Variants in DNAH7 observed in about 807,000 individuals in gnomAD.
DNAH7 encodes axonemal beta dynein heavy chain 7.
In DNAH7, 397 loss-of-function variants were observed where a neutral mutation model predicts 444.6. The observed-to-expected ratio is 0.89, with a 90% CI of 0.82 to 0.97. The LOEUF (loss-of-function observed/expected upper bound fraction) is 0.97, where lower values mean the gene tolerates loss of function less well. Ranked by LOEUF, DNAH7 falls within the 50% of genes least tolerant of loss-of-function variation. DNAH7 has a pLI of 0.00. For missense variants in DNAH7, 4,902 were observed against 4,800.8 expected (o/e 1.02, Z -0.62); for synonymous variants, 1,636 against 1,624.4 (o/e 1.01, Z -0.17).
intron 43 of DNAH7, among the ~76,000 whole-genome samples, chr2:195,858,112 A>G (rs1179761919): frequency 6.6e-6 from 1 of 152,192 alleles, no homozygotes; most frequent in African/African-American, 2.4e-5. Context: ...TATAAGATGT[A>G]TTCCAATGAC....
At chr2:195,952,205 G>T (rs183526582) in intron 19 of DNAH7, among the ~76,000 whole-genome samples, 4 of 152,280 alleles carry the variant, frequency 2.6e-5, no homozygotes, top group African/African-American at 9.6e-5. Context: ...AGTTTGGCTG[G>T]ATATAAAATT....
chr2:195,772,451 G>A (rs1694883860), intron 60 of DNAH7, among the ~76,000 whole-genome samples: 2 of 152,104 alleles, frequency 1.3e-5, no homozygotes, highest in African/African-American at 4.8e-5. Flanking sequence ...GATTCACGTT[G>A]GAAGCAAGGA....
rs138413705 is a variant in DNAH7, at chr2:195,852,486, C to T, written c.8781+857G>A. On this transcript the variant is annotated intron_variant, in intron 46 of 64. Coordinates refer to ENST00000312428, the MANE Select transcript of DNAH7 (RefSeq NM_018897.3). ...TCCTCCCTTCTTTTATTCTCATTAT[C>T]ATCCCTCCCATTTTTTCTTTTAGTT... Among the ~76,000 whole-genome samples the T allele has an allele frequency of 2.6e-5, 4 of 152,252 alleles. No homozygotes were observed. In the East Asian group the frequency reaches 5.8e-4, roughly 22 times the overall value.
At chr2:195,869,176 C>G (rs892651830) in intron 40 of DNAH7, among the ~76,000 whole-genome samples, 1 of 151,838 alleles carries the variant, frequency 6.6e-6, no homozygotes, top group Non-Finnish European at 1.5e-5. Context: ...TAGAGTGCTT[C>G]CCACCCTGCA....
chr2:196,000,393 G>A (rs1369574836), intron 12 of DNAH7, among the ~76,000 whole-genome samples: 6 of 152,128 alleles, frequency 3.9e-5, no homozygotes, highest in Non-Finnish European at 8.8e-5. Flanking sequence ...GAGACCTACA[G>A]CATGGCATGA....
chr2:195,988,324 T>C, intron 12 of DNAH7, 95 bp from the exon 13 acceptor site: 2 of 1,122,244 alleles, frequency 1.8e-6, no homozygotes, highest in Non-Finnish European at 2.4e-6. Flanking sequence ...ATGTTTCTTG[T>C]CTTTTTATTC....
At chr2:195,763,999 C>G (rs1694461383) in intron 61 of DNAH7, among the ~76,000 whole-genome samples, 2 of 151,562 alleles carry the variant, frequency 1.3e-5, no homozygotes, top group Non-Finnish European at 2.9e-5. Flanking sequence ...AAATCTTGAA[C>G]AAAATACTAG....
At chr2:195,773,200 G>A (rs1364132824) in intron 60 of DNAH7, among the ~76,000 whole-genome samples, 3 of 152,094 alleles carry the variant, frequency 2.0e-5, no homozygotes, top group East Asian at 1.9e-4. Context: ...AGATATGCTC[G>A]TATAATAATC....
chr2:195,836,109 TCTGCTCCATGCAAGATGTTCCTGGTG>T (rs1266999319), intron 47 of DNAH7, among the ~76,000 whole-genome samples: 11 of 152,186 alleles, frequency 7.2e-5, no homozygotes, highest in African/African-American at 2.7e-4. Flanking sequence ...CTATATGGCC[TCTGCTCCATGCAAGATGTTCCTGGTG>T]CTGCTCCCTC....
At chr2:195,778,667 T>C (rs13399941) in intron 58 of DNAH7, among the ~76,000 whole-genome samples, 2,066 of 69,530 alleles carry the variant, frequency 0.03, 117 homozygotes, top group Non-Finnish European at 0.038. Flanking sequence ...TATATATATA[T>C]ATACACACAC....
Position 195,956,968 on chromosome 2 carries a change from C to A in DNAH7, c.3078+293G>T, listed in dbSNP as rs1426666017. The stretch of plus-strand genomic sequence containing the variant: ...ACAGAATAGACGGAGACAGCAAGTA[C>A]CTCGTACAGTGTCTTCCCTCCAGTG... On this transcript the variant is annotated intron_variant, in intron 19 of 64. Transcript: ENST00000312428. Among the ~76,000 whole-genome samples the A allele has an allele frequency of 3.3e-5, 5 of 152,100 alleles. No homozygotes were observed. In the South Asian group the frequency reaches 1.0e-3, roughly 32 times the overall value.
chr2:195,845,018 T>C lies in DNAH7; in HGVS notation c.8929A>G (p.Asn2977Asp), dbSNP rs757992906. 3.1e-6 allele frequency: 5 copies of C among 1,613,426 alleles called. No homozygotes were observed. The South Asian group carries it at 5.5e-5, about 18-fold the overall frequency. The part of the protein sequence containing the change: ...GLPSDSFSID[N>D]GIIIMNARRW... ...TTTTCTTACATTATGATTATCCCAT[T>C]ATCAATGGAAAATGAGTCAGAAGGT... Residue 2977 changes from asparagine to aspartate, a missense_variant, in exon 47 of 65, where the codon AAT becomes GAT. Transcript: ENST00000312428.
chr2:196,040,290 A>C (rs1474143731), intron 5 of DNAH7, among the ~76,000 whole-genome samples: 2 of 152,160 alleles, frequency 1.3e-5, no homozygotes, highest in Non-Finnish European at 2.9e-5. Context: ...ACAGGTCAAT[A>C]TTCCTGAGGA....
chr2:195,767,309 C>A (rs935924324), intron 61 of DNAH7, among the ~76,000 whole-genome samples: 1 of 151,954 alleles, frequency 6.6e-6, no homozygotes, highest in Non-Finnish European at 1.5e-5. Flanking sequence ...GATCTGAGAC[C>A]TTTTAATTTA....
intron 5 of DNAH7, among the ~76,000 whole-genome samples, chr2:196,031,963 A>G (rs1232673234): frequency 6.6e-6 from 1 of 152,176 alleles, no homozygotes; most frequent in Non-Finnish European, 1.5e-5. Context: ...ACACCCCACT[A>G]TACTGGTACC....
intron 27 of DNAH7, 107 bp from the exon 28 acceptor site, chr2:195,900,601 T>A: frequency 9.4e-7 from 1 of 1,061,754 alleles, no homozygotes; most frequent in Non-Finnish European, 1.4e-6. Context: ...CTAAAAAAGT[T>A]TATCTCATAG....
At chr2:195,989,968 T>C (rs976231699) in intron 12 of DNAH7, among the ~76,000 whole-genome samples, 6 of 152,210 alleles carry the variant, frequency 3.9e-5, no homozygotes, top group African/African-American at 1.2e-4. Context: ...CAGGTATCTC[T>C]TTATAGCGAT....
intron 61 of DNAH7, among the ~76,000 whole-genome samples, chr2:195,770,755 A>T (rs1363536300): frequency 6.6e-6 from 1 of 151,458 alleles, no homozygotes; most frequent in Non-Finnish European, 1.5e-5. Context: ...ACAGGGTCTC[A>T]CTCTGTTGCC....
intron 5 of DNAH7, among the ~76,000 whole-genome samples, chr2:196,044,914 A>G (rs2125840913): frequency 6.6e-6 from 1 of 152,144 alleles, no homozygotes; most frequent in South Asian, 2.1e-4. Context: ...AAAAAATAAT[A>G]ATAATACAAA....
Sources: allele counts gnomAD v4.1 joint callset (sites outside exome capture counted in the v4.1 genomes callset), GRCh38; gene constraint gnomAD v4.1.1; transcripts MANE v1.5; gene names NCBI Gene and HGNC (gene_info 2026-07-23, HGNC 2026-07-21).